The following TMEM232 variants were observed in gnomAD, a reference collection of about 807,000 sequenced individuals.
TMEM232 encodes transmembrane protein 232.
TMEM232 carries 80 observed loss-of-function variants against 78.8 expected under a neutral mutation model. The ratio of observed to expected loss-of-function variants is 1.01; its 90% CI spans 0.85 to 1.22. The LOEUF is 1.22. Ranked by LOEUF, TMEM232 falls within the 50% of genes most tolerant of loss-of-function variation. TMEM232 has a pLI of 0.00. For missense variants in TMEM232, 881 were observed against 742.2 expected, an observed-to-expected ratio of 1.19 and a Z score of -2.17; for synonymous variants, 297 against 254.3, an observed-to-expected ratio of 1.17 and a Z score of -1.60.
At chr5:110,517,256 TG>T (rs1263321664) in intron 12 of TMEM232, among the ~76,000 whole-genome samples, 1 of 152,182 alleles carries the variant, frequency 6.6e-6, no homozygotes, top group Non-Finnish European at 1.5e-5. Context: ...TAATTCGATT[TG>T]GGAGCCTAGA....
chr5:110,424,796 T>C (rs1385797618), intron 13 of TMEM232, 27 bp downstream of exon 13: 1 of 1,498,416 alleles, frequency 6.7e-7, no homozygotes, highest in South Asian at 1.2e-5. Flanking sequence ...AAGCTTTTGC[T>C]GCTAGTTAAA....
intron 7 of TMEM232, among the ~76,000 whole-genome samples, chr5:110,623,658 T>G (rs1784064415): frequency 6.6e-6 from 1 of 152,128 alleles, no homozygotes; most frequent in Non-Finnish European, 1.5e-5. Context: ...AGATATGCAG[T>G]CCAGCACTGA....
chr5:110,610,240 A>AAGGAAGGGAGGAAGGCAGGAAGGG (rs1554057533), intron 8 of TMEM232, among the ~76,000 whole-genome samples: 1 of 70,124 alleles, frequency 1.4e-5, no homozygotes. Flanking sequence ...AAAAGAAAGG[A>AAGGAAGGGAGGAAGGCAGGAAGGG]AGGAAGGGAG....
Position 110,572,321 on chromosome 5 carries a change from T to C in TMEM232, c.1277-3696A>G, listed in dbSNP as rs549728992. ...AAGACTGAGATTGCTGATTTGTGGG[T>C]CATTAGCTTGAAGTCAATATAAGTA... On this transcript the variant is annotated intron_variant, in intron 10 of 13. Coordinates refer to ENST00000455884, the MANE Select transcript of TMEM232 (RefSeq NM_001039763.4). Among the ~76,000 whole-genome samples, 5 of 152,114 alleles carry C rather than the reference T, an allele frequency of 3.3e-5. No homozygotes were observed. The South Asian group carries it at 1.0e-3, about 32-fold the overall frequency.
chr5:110,728,391 G>C (rs984771527), upstream of TMEM232, among the ~76,000 whole-genome samples: 1 of 151,770 alleles, frequency 6.6e-6, no homozygotes. Flanking sequence ...AAACTGTACA[G>C]AGGCTGAGCA....
At chr5:110,442,033 G>T (rs1158948164) in intron 12 of TMEM232, among the ~76,000 whole-genome samples, 1 of 151,738 alleles carries the variant, frequency 6.6e-6, no homozygotes, top group Non-Finnish European at 1.5e-5. Flanking sequence ...CTCTCCTGCT[G>T]CTTTTAGGAC....
intron 10 of TMEM232, among the ~76,000 whole-genome samples, chr5:110,593,294 A>G (rs1036108358): frequency 6.6e-6 from 1 of 152,214 alleles, no homozygotes; most frequent in Non-Finnish European, 1.5e-5. Flanking sequence ...TAAGCTGTAG[A>G]TGATTAGCAG....
chr5:110,675,842 G>C (rs573522516), intron 1 of TMEM232, among the ~76,000 whole-genome samples: 33 of 152,184 alleles, frequency 2.2e-4, no homozygotes, highest in African/African-American at 7.2e-4. Flanking sequence ...ATTAACTATA[G>C]TCACCATGCT....
chr5:110,626,186 AT>A (rs34004837), intron 6 of TMEM232, among the ~76,000 whole-genome samples: 2,518 of 149,900 alleles, frequency 0.017, 41 homozygotes, highest in African/African-American at 0.037. Flanking sequence ...TGAAAGAAAG[AT>A]TTTTTTTTTG....
intron 6 of TMEM232, among the ~76,000 whole-genome samples, chr5:110,625,772 G>A (rs1241024361): frequency 1.3e-5 from 2 of 149,860 alleles, no homozygotes; most frequent in African/African-American, 2.5e-5. Flanking sequence ...TGGATACTTT[G>A]ACATTGTAAT....
rs186516505 is a variant in TMEM232, at chr5:110,526,712, G to C, written c.1703+1876C>G. Among the ~76,000 whole-genome samples, 99 of 151,972 alleles carry C rather than the reference G, an allele frequency of 6.5e-4. 2 individuals are homozygous for C. Among genetic ancestry groups the C allele is most frequent in the African/African-American group, 2.3e-3 (96 of 41,496 alleles). On this transcript the variant is annotated intron_variant, in intron 12 of 13. Transcript: ENST00000455884. ...AATTACACTTCTGAGAATTTATCCT[G>C]CAAGTATTCTTCCACATGTTAAAAG...
intron 1 of TMEM232, among the ~76,000 whole-genome samples, chr5:110,686,385 G>A (rs1009131768): frequency 4.0e-5 from 6 of 151,854 alleles, no homozygotes; most frequent in African/African-American, 9.7e-5. Context: ...AACCAAGTGC[G>A]CAAGTAACAG....
At chr5:110,545,446 T>C (rs1773657781) in intron 11 of TMEM232, among the ~76,000 whole-genome samples, 1 of 152,058 alleles carries the variant, frequency 6.6e-6, no homozygotes, top group Non-Finnish European at 1.5e-5. Context: ...TACAATATTA[T>C]AGTTTCTTTT....
At chr5:110,620,629 CTCTCTCTCTCCTCTCTCCTCT>C (rs1783565083) in intron 7 of TMEM232, among the ~76,000 whole-genome samples, 1 of 103,560 alleles carries the variant, frequency 9.7e-6, no homozygotes. Flanking sequence ...CTCTCTCTCT[CTCTCTCTCTCCTCTCTCCTCT>C]CTCTCTCTCC....
intron 12 of TMEM232, among the ~76,000 whole-genome samples, chr5:110,524,561 T>C (rs542487236): frequency 1.9e-4 from 29 of 152,298 alleles, no homozygotes; most frequent in Admixed American, 4.6e-4. Context: ...GCTTGTGACC[T>C]AACATGTGAT....
At chr5:110,615,272 CATAT>C (rs1397223841) in intron 8 of TMEM232, among the ~76,000 whole-genome samples, 1 of 151,906 alleles carries the variant, frequency 6.6e-6, no homozygotes, top group Non-Finnish European at 1.5e-5. Flanking sequence ...TTAGAATTTA[CATAT>C]ACAAAGGCCT....
At chr5:110,593,580 C>A (rs1457910201) in intron 10 of TMEM232, among the ~76,000 whole-genome samples, 1 of 151,982 alleles carries the variant, frequency 6.6e-6, no homozygotes, top group African/African-American at 2.4e-5. Context: ...AGTAGGACAA[C>A]CTGCATATTC....
intron 2 of TMEM232, among the ~76,000 whole-genome samples, chr5:110,662,819 C>T (rs910489021): frequency 2.6e-5 from 4 of 151,844 alleles, no homozygotes; most frequent in African/African-American, 4.8e-5. Context: ...ATATTATTTA[C>T]AAAAATTTCC....
intron 1 of TMEM232, among the ~76,000 whole-genome samples, chr5:110,709,371 T>A (rs548691343): frequency 6.6e-6 from 1 of 152,106 alleles, no homozygotes. Context: ...ATTAGCACTA[T>A]AGGACAAATG....
Sources: allele counts gnomAD v4.1 joint callset (sites outside exome capture counted in the v4.1 genomes callset), GRCh38; gene constraint gnomAD v4.1.1; transcripts MANE v1.5; gene names NCBI Gene and HGNC (gene_info 2026-07-23, HGNC 2026-07-21).